BACE2: variants seen among roughly 807,000 people sequenced by gnomAD.
BACE2 encodes the protein 56 kDa aspartic-like protease.
Under a neutral mutation model 46.2 loss-of-function variants are expected in BACE2, and 17 were observed. The ratio of observed to expected loss-of-function variants is 0.37; its 90% confidence interval spans 0.25 to 0.55. The LOEUF (loss-of-function observed/expected upper bound fraction) is 0.55. BACE2 is among the 20% of genes least tolerant of loss of function. The pLI, the probability that BACE2 is intolerant of heterozygous loss-of-function variation, is 0.82. For synonymous variants in BACE2, 277 were observed against 295.9 expected (o/e 0.94, Z 0.66); for missense variants, 595 against 698.1 (o/e 0.85, Z 1.66).
chr21:41,200,214 C>A (rs1221283845), intron 1 of BACE2, among the ~76,000 whole-genome samples: 3 of 126,938 alleles, frequency 2.4e-5, no homozygotes, highest in Non-Finnish European at 5.3e-5. Flanking sequence ...AAAAAAAAAC[C>A]CAAAACCTCT....
chr21:41,188,229 C>T (rs902270112), intron 1 of BACE2, among the ~76,000 whole-genome samples: 1 of 152,164 alleles, frequency 6.6e-6, no homozygotes, highest in East Asian at 1.9e-4. Flanking sequence ...CCCACGTCTT[C>T]CCCTCCATGT....
chr21:41,208,517 C>T (rs887153182), intron 1 of BACE2, among the ~76,000 whole-genome samples: 3 of 152,134 alleles, frequency 2.0e-5, no homozygotes, highest in Admixed American at 1.3e-4. Context: ...GTGTGGTCCC[C>T]GTTTGTTCGG....
chr21:41,250,916 T>G lies in BACE2; in HGVS notation c.1134+15T>G, dbSNP rs753506182. ...TCCTGCCTCAGGTATGAACTTGGAT[T>G]TGTGCTTTGCTCTTTTTATCATGCA... is the stretch of plus-strand genomic sequence containing the variant. On this transcript the variant is annotated intron_variant, in intron 7 of 8. Transcript: ENST00000330333. The G allele has an allele frequency of 1.2e-6, 2 of 1,613,242 alleles. No individual in the cohort carries two copies. Among genetic ancestry groups the G allele is most frequent in the Non-Finnish European group, 1.7e-6 (2 of 1,179,552 alleles).
intron 1 of BACE2, among the ~76,000 whole-genome samples, chr21:41,211,464 G>T (rs980697004): frequency 6.6e-6 from 1 of 152,182 alleles, no homozygotes; most frequent in Non-Finnish European, 1.5e-5. Flanking sequence ...GAGAAATGGC[G>T]CATGACAATT....
At chr21:41,232,801 T>G (rs1987002583) in intron 2 of BACE2, among the ~76,000 whole-genome samples, 1 of 152,152 alleles carries the variant, frequency 6.6e-6, no homozygotes, top group Non-Finnish European at 1.5e-5. Context: ...CATACCTCTT[T>G]TCCTTATGAA....
At chr21:41,229,995 G>A (rs1986927830) in intron 2 of BACE2, 1 of 152,252 alleles carries the variant, frequency 6.6e-6, no homozygotes, top group South Asian at 2.1e-4. Flanking sequence ...TCTGGGGAAA[G>A]CCCCTCAATG....
intron 8 of BACE2, among the ~76,000 whole-genome samples, chr21:41,272,680 C>T (rs941312455): frequency 6.6e-6 from 1 of 152,066 alleles, no homozygotes; most frequent in African/African-American, 2.4e-5. Flanking sequence ...ACATGTTTAA[C>T]ATTTTCTCTG....
At chr21:41,234,001 G>A (rs1987039433) in intron 2 of BACE2, among the ~76,000 whole-genome samples, 1 of 152,192 alleles carries the variant, frequency 6.6e-6, no homozygotes, top group South Asian at 2.1e-4. Context: ...AGGTAGTATG[G>A]TTTGGCTGTG....
At chr21:41,261,493 A>C (rs1158713391) in intron 8 of BACE2, among the ~76,000 whole-genome samples, 1 of 152,004 alleles carries the variant, frequency 6.6e-6, no homozygotes, top group Non-Finnish European at 1.5e-5. Flanking sequence ...CTGAGGTATT[A>C]GTTTTTCTGA....
At chr21:41,217,990 C>T (rs1986527014) in intron 1 of BACE2, among the ~76,000 whole-genome samples, 1 of 152,196 alleles carries the variant, frequency 6.6e-6, no homozygotes, top group Non-Finnish European at 1.5e-5. Flanking sequence ...GGACTTCTGA[C>T]CTCCAGAACT....
rs1200777767 is a variant in BACE2 at position 41,281,040 on chromosome 21, T to G, written c.*5416T>G. ...TGAGCCTCGGGTACTTCTTGGACAC[T>G]ATTGTGAGAGCAGCCATCCTGGTGT... On this transcript the variant is annotated 3_prime_UTR_variant, in exon 9 of 9. Coordinates refer to ENST00000330333, the MANE Select transcript of BACE2 (RefSeq NM_012105.5). 6.6e-6 allele frequency: 1 copy of G among 152,194 alleles called. No individual in the cohort carries two copies. The highest frequency in any genetic ancestry group is 1.5e-5 in the Non-Finnish European group (1 of 68,046). The allele number at this position is 152,194 out of a possible 1,614,324, so 9.4% of individuals were successfully genotyped here.
At chr21:41,218,297 C>T (rs1008970182) in intron 1 of BACE2, among the ~76,000 whole-genome samples, 1 of 152,110 alleles carries the variant, frequency 6.6e-6, no homozygotes, top group Non-Finnish European at 1.5e-5. Flanking sequence ...TGTTGAAATA[C>T]ACTGGAGAAA....
intron 2 of BACE2, among the ~76,000 whole-genome samples, chr21:41,226,750 G>T (rs961470858): frequency 6.6e-6 from 1 of 152,236 alleles, no homozygotes. Context: ...CTGGCCGAGG[G>T]TGTGGGTTTG....
Position 41,193,532 on chromosome 21 carries a change from A to C in BACE2, c.312+24957A>C, listed in dbSNP as rs1985644794. On this transcript the variant is annotated intron_variant, in intron 1 of 8. Coordinates refer to ENST00000330333, the MANE Select transcript of BACE2 (RefSeq NM_012105.5). This position sits in a 1 kb window ranked among gnomAD's most constrained non-coding sequence, Gnocchi z 4.2. ...CCTTGATGGTGGCACTAATCTCCAC[A>C]ATCCCTTCAGGGATGTGATACTGTT... Among the ~76,000 whole-genome samples, 1 of 152,210 alleles carries C rather than the reference A, an allele frequency of 6.6e-6. No homozygotes were observed. Among genetic ancestry groups the C allele is most frequent in the Non-Finnish European group, 1.5e-5 (1 of 68,044 alleles).
intron 1 of BACE2, among the ~76,000 whole-genome samples, chr21:41,225,233 CAA>C (rs145113710): frequency 1.5e-3 from 181 of 119,104 alleles, no homozygotes; most frequent in Non-Finnish European, 2.2e-3. Flanking sequence ...GACTCCATCT[CAA>C]AAAAAAAAAA....
intron 7 of BACE2, among the ~76,000 whole-genome samples, chr21:41,254,583 T>C (rs1487621676): frequency 2.6e-5 from 4 of 152,250 alleles, no homozygotes; most frequent in Non-Finnish European, 5.9e-5. Flanking sequence ...GCTGCTGTAC[T>C]CTCTAATTGC....
chr21:41,257,357 C>T (rs932819085), intron 8 of BACE2, 31 bp downstream of exon 8: 1 of 1,606,994 alleles, frequency 6.2e-7, no homozygotes. Context: ...ACAGGGATCC[C>T]CGACAAGAGT....
chr21:41,251,853 A>G (rs117504953), intron 7 of BACE2, among the ~76,000 whole-genome samples: 1 of 152,086 alleles, frequency 6.6e-6, no homozygotes, highest in Non-Finnish European at 1.5e-5. Context: ...AAGAAAAACT[A>G]GATTGCCCAA....
chr21:41,201,208 T>C (rs1568865634), intron 1 of BACE2, among the ~76,000 whole-genome samples: 1 of 152,214 alleles, frequency 6.6e-6, no homozygotes, highest in African/African-American at 2.4e-5. Context: ...AGTCTTTTGT[T>C]CTTTGGTAAA....
Sources: allele counts gnomAD v4.1 joint callset (sites outside exome capture counted in the v4.1 genomes callset), GRCh38; gene constraint gnomAD v4.1.1; non-coding constraint Gnocchi (gnomAD v3.1); transcripts MANE v1.5; gene names NCBI Gene and HGNC (gene_info 2026-07-23, HGNC 2026-07-21).